Variants in ADAMTSL1 observed in about 807,000 individuals in gnomAD.
The protein encoded by ADAMTSL1 is ADAMTS like 1, also known as ADAMTS-like protein 1.
Under a neutral mutation model 201.8 loss-of-function variants are expected in ADAMTSL1, and 126 were observed. The observed-to-expected ratio is 0.62, with a 90% CI of 0.54 to 0.72. The LOEUF is 0.72. ADAMTSL1 is among the 30% of genes least tolerant of loss of function. ADAMTSL1 has a pLI of 0.00. For synonymous variants in ADAMTSL1, 1,121 were observed against 903.4 expected (o/e 1.24, Z -4.32); for missense variants, 2,679 against 2,277.8 (o/e 1.18, Z -3.59).
At chr9:18,714,639 A>G (rs1274626039) in intron 14 of ADAMTSL1, among the ~76,000 whole-genome samples, 3 of 147,966 alleles carry the variant, frequency 2.0e-5, no homozygotes, top group East Asian at 4.0e-4. Context: ...CCAGAACCAG[A>G]TGGATTCACA....
chr9:18,335,142 G>A (rs548908506), intron 2 of ADAMTSL1, among the ~76,000 whole-genome samples: 2 of 152,184 alleles, frequency 1.3e-5, no homozygotes, highest in Admixed American at 6.5e-5. Flanking sequence ...CTTTGATAAA[G>A]ATATGTCCTT....
chr9:18,622,492 G>A (rs570293657), intron 5 of ADAMTSL1, 123 bp downstream of exon 5: 8 of 1,419,840 alleles, frequency 5.6e-6, no homozygotes, highest in Non-Finnish European at 7.7e-6. Context: ...ACCTGAAAAT[G>A]TAGAAGGCTT....
chr9:18,224,602 C>G (rs563050541), intron 2 of ADAMTSL1, among the ~76,000 whole-genome samples: 2 of 152,276 alleles, frequency 1.3e-5, no homozygotes, highest in South Asian at 2.1e-4. Flanking sequence ...AGTCTTGTCT[C>G]ATTCCAGCAT....
At chr9:18,683,512 G>A (rs1480418286) in intron 12 of ADAMTSL1, among the ~76,000 whole-genome samples, 1 of 152,164 alleles carries the variant, frequency 6.6e-6, no homozygotes, top group African/African-American at 2.4e-5. Flanking sequence ...ACAGGCGTGA[G>A]CCTCCACGCC....
chr9:18,314,401 A>G (rs1049295204), intron 2 of ADAMTSL1, among the ~76,000 whole-genome samples: 1 of 152,008 alleles, frequency 6.6e-6, no homozygotes, highest in Non-Finnish European at 1.5e-5. Context: ...AAGATGGTGT[A>G]TCCGGAGTTT....
At chr9:18,282,194 T>C (rs1832816735) in intron 2 of ADAMTSL1, among the ~76,000 whole-genome samples, 1 of 152,228 alleles carries the variant, frequency 6.6e-6, no homozygotes, top group East Asian at 1.9e-4. Context: ...GTTAGTTCAC[T>C]TGGTATAATG....
At chr9:18,767,760 C>T (rs967414102) in intron 16 of ADAMTSL1, among the ~76,000 whole-genome samples, 2 of 152,098 alleles carry the variant, frequency 1.3e-5, no homozygotes, top group Admixed American at 6.5e-5. Flanking sequence ...GAATTGCTAC[C>T]AAATGAGGGC....
chr9:18,242,710 A>T (rs1290250586), intron 2 of ADAMTSL1, among the ~76,000 whole-genome samples: 1 of 152,120 alleles, frequency 6.6e-6, no homozygotes, highest in Non-Finnish European at 1.5e-5. Flanking sequence ...TTTTATACAC[A>T]AATCACAACC....
chr9:18,706,938 A>T lies in ADAMTSL1; in HGVS notation c.1766A>T (p.Glu589Val). The T allele has an allele frequency of 6.2e-7, 1 of 1,613,980 alleles. No homozygotes were observed. Among genetic ancestry groups the T allele is most frequent in the Non-Finnish European group, 8.5e-7 (1 of 1,179,896 alleles). Residue 589 changes from glutamate to valine, a missense_variant, in exon 14 of 29, where the codon GAG becomes GTG. Physicochemically the swap from Glu to Val is moderately radical, Grantham distance 121. Transcript: ENST00000380548. ...YAGPCSGEIPEFNPDETDGLF... is the reference protein window; with the variant it reads ...YAGPCSGEIPVFNPDETDGLF... The stretch of plus-strand genomic sequence containing the variant: ...GGCCCATGCAGCGGGGAAATTCCTG[A>T]GTTCAACCCAGACGAGACAGATGGG...
At chr9:18,601,741 C>T (rs993086115) in intron 4 of ADAMTSL1, among the ~76,000 whole-genome samples, 10 of 151,470 alleles carry the variant, frequency 6.6e-5, no homozygotes, top group Admixed American at 2.0e-4. Context: ...TAATGTAGCA[C>T]ATATATACAC....
chr9:18,802,580 A>G (rs1438629707), intron 20 of ADAMTSL1, among the ~76,000 whole-genome samples: 1 of 152,246 alleles, frequency 6.6e-6, no homozygotes, highest in Non-Finnish European at 1.5e-5. Context: ...TGTATAGAAT[A>G]GACCACATTT....
At chr9:18,719,817 A>T (rs1369702100) in intron 14 of ADAMTSL1, among the ~76,000 whole-genome samples, 1 of 152,180 alleles carries the variant, frequency 6.6e-6, no homozygotes, top group African/African-American at 2.4e-5. Context: ...CTGATGATTG[A>T]GCTGATGACT....
At chr9:18,131,878 G>A (rs1054508077) in intron 1 of ADAMTSL1, among the ~76,000 whole-genome samples, 2 of 152,038 alleles carry the variant, frequency 1.3e-5, no homozygotes, top group African/African-American at 2.4e-5. Flanking sequence ...AAAATGTGGT[G>A]GGCAGGGTGA....
intron 2 of ADAMTSL1, among the ~76,000 whole-genome samples, chr9:18,513,558 G>T (rs1465363426): frequency 6.6e-6 from 1 of 152,150 alleles, no homozygotes; most frequent in East Asian, 1.9e-4. Flanking sequence ...ATAGCTGAGA[G>T]ATCATTGCCA....
intron 1 of ADAMTSL1, among the ~76,000 whole-genome samples, chr9:18,154,432 G>T (rs950157685): frequency 1.3e-5 from 2 of 151,954 alleles, no homozygotes; most frequent in Admixed American, 6.6e-5. Flanking sequence ...ACAGCTAGAG[G>T]CTGGGTTCAG....
intron 20 of ADAMTSL1, among the ~76,000 whole-genome samples, chr9:18,815,711 CAAAAAAAA>C (rs35926602): frequency 7.4e-4 from 50 of 67,962 alleles, no homozygotes; most frequent in East Asian, 4.2e-3. Flanking sequence ...AACCCTGTCT[CAAAAAAAA>C]AAAAAAAAAA....
chr9:18,336,553 A>C (rs894207502), intron 2 of ADAMTSL1, among the ~76,000 whole-genome samples: 1 of 152,206 alleles, frequency 6.6e-6, no homozygotes, highest in African/African-American at 2.4e-5. Flanking sequence ...GGTTTATATC[A>C]AATTCTTTAG....
chr9:18,855,174 C>T (rs1826764583), intron 23 of ADAMTSL1, among the ~76,000 whole-genome samples: 1 of 152,168 alleles, frequency 6.6e-6, no homozygotes, highest in Non-Finnish European at 1.5e-5. Flanking sequence ...AAACAACTTC[C>T]CTTTGCTGGT....
intron 23 of ADAMTSL1, among the ~76,000 whole-genome samples, chr9:18,882,824 T>C (rs1288952054): frequency 6.6e-6 from 1 of 151,834 alleles, no homozygotes; most frequent in Non-Finnish European, 1.5e-5. Flanking sequence ...CAAGACTCCA[T>C]CTCTACTAAA....
Sources: allele counts gnomAD v4.1 joint callset (sites outside exome capture counted in the v4.1 genomes callset), GRCh38; gene constraint gnomAD v4.1.1; transcripts MANE v1.5; gene names NCBI Gene and HGNC (gene_info 2026-07-23, HGNC 2026-07-21).